The following ADGRL3 variants were observed in gnomAD, a reference collection of about 807,000 sequenced individuals.
The protein encoded by ADGRL3 is adhesion G protein-coupled receptor L3.
In ADGRL3, 62 loss-of-function variants were observed where a neutral mutation model predicts 153.5. That is an observed-to-expected ratio of 0.40 (90% CI 0.33 to 0.50). The LOEUF is 0.50. Ranked by LOEUF, ADGRL3 falls within the 20% of genes least tolerant of loss-of-function variation. The pLI, the probability that ADGRL3 is intolerant of heterozygous loss-of-function variation, is 0.47. For synonymous variants in ADGRL3, 710 were observed against 672.5 expected (o/e 1.06, Z -0.86); for missense variants, 1,641 against 1,859.4 (o/e 0.88, Z 2.16).
intron 9 of ADGRL3, among the ~76,000 whole-genome samples, chr4:61,857,674 T>TCTTTCTTCCTTCCTTTCTTCCTTC: frequency 7.5e-6 from 1 of 133,048 alleles, no homozygotes; most frequent in Non-Finnish European, 1.5e-5. Flanking sequence ...TTTCTTCCTT[T>TCTTTCTTCCTTCCTTTCTTCCTTC]CTTTCTTCCT....
chr4:61,615,473 C>G (rs183389639), intron 5 of ADGRL3, among the ~76,000 whole-genome samples: 1 of 152,034 alleles, frequency 6.6e-6, no homozygotes, highest in Non-Finnish European at 1.5e-5. Context: ...GGGTGATATT[C>G]AAATTGAATT....
At chr4:61,537,582 T>C (rs183389825) in intron 4 of ADGRL3, among the ~76,000 whole-genome samples, 1 of 152,278 alleles carries the variant, frequency 6.6e-6, no homozygotes, top group Non-Finnish European at 1.5e-5. Flanking sequence ...AATCTTTATT[T>C]TTATTTTTTG....
At chr4:61,797,405 G>A (rs568885515) in intron 8 of ADGRL3, among the ~76,000 whole-genome samples, 3 of 152,102 alleles carry the variant, frequency 2.0e-5, no homozygotes, top group South Asian at 4.1e-4. Flanking sequence ...CGAACTTAAC[G>A]CAAATTTTAG....
intron 5 of ADGRL3, among the ~76,000 whole-genome samples, chr4:61,627,991 G>A (rs2092933511): frequency 6.6e-6 from 1 of 152,048 alleles, no homozygotes; most frequent in South Asian, 2.1e-4. Context: ...AGGATGCTTG[G>A]ACCAAATGGG....
At chr4:61,423,068 C>T (rs1250953073) in intron 2 of ADGRL3, among the ~76,000 whole-genome samples, 1 of 151,956 alleles carries the variant, frequency 6.6e-6, no homozygotes, top group African/African-American at 2.4e-5. Context: ...AATTTGGGGG[C>T]ACATGGCTAA....
rs113272413 is a variant in ADGRL3 at position 61,442,009 on chromosome 4, T to G, written c.-173-55112T>G. Among the ~76,000 whole-genome samples, 21 of 152,322 alleles carry G rather than the reference T, an allele frequency of 1.4e-4. 1 individual carries two copies. Among genetic ancestry groups the G allele is most frequent in the African/African-American group, 5.1e-4 (21 of 41,572 alleles). Reference sequence around the variant, plus strand: ...GTAGTACTCATCTCAGTATAACATGTAAATTTAATTATTTTGATTTCAAGA... The same window carrying G: ...GTAGTACTCATCTCAGTATAACATGGAAATTTAATTATTTTGATTTCAAGA... On this transcript the variant is annotated intron_variant, in intron 2 of 26. Coordinates refer to ENST00000683033, the MANE Select transcript of ADGRL3 (RefSeq NM_001387552.1).
intron 5 of ADGRL3, among the ~76,000 whole-genome samples, chr4:61,613,158 C>T (rs1445748559): frequency 6.6e-6 from 1 of 152,148 alleles, no homozygotes; most frequent in Non-Finnish European, 1.5e-5. Flanking sequence ...CTATCATCTC[C>T]TGCCGTGTTC....
At chr4:61,883,688 T>TTTTACTC (rs1343993524) in intron 9 of ADGRL3, among the ~76,000 whole-genome samples, 1 of 152,188 alleles carries the variant, frequency 6.6e-6, no homozygotes, top group African/African-American at 2.4e-5. Flanking sequence ...AGTCTCATTA[T>TTTTACTC]TTTACTCTTA....
chr4:61,286,223 G>A (rs529545882), intron 1 of ADGRL3, among the ~76,000 whole-genome samples: 21 of 150,498 alleles, frequency 1.4e-4, no homozygotes, highest in Admixed American at 1.3e-3. Context: ...ATCTTTTTTG[G>A]CTCCATTATT....
intron 1 of ADGRL3, among the ~76,000 whole-genome samples, chr4:61,255,149 A>G (rs1256719510): frequency 6.6e-6 from 1 of 152,190 alleles, no homozygotes; most frequent in African/African-American, 2.4e-5. Context: ...TTTGTTGCTG[A>G]CAGTCAGGGT....
intron 1 of ADGRL3, among the ~76,000 whole-genome samples, chr4:61,344,701 T>C (rs1434196015): frequency 1.3e-5 from 2 of 152,186 alleles, no homozygotes; most frequent in African/African-American, 4.8e-5. Flanking sequence ...GTTAACTAAG[T>C]GTACTACATG....
Position 61,421,214 on chromosome 4 carries a change from G to A in ADGRL3, c.-174+38025G>A, listed in dbSNP as rs372975533. On this transcript the variant is annotated intron_variant, in intron 2 of 26. Coordinates refer to ENST00000683033, the MANE Select transcript of ADGRL3 (RefSeq NM_001387552.1). The stretch of plus-strand genomic sequence containing the variant: ...CTGGGCTTGGTGGCGGACGCCTGTA[G>A]TCCCAGCTACTTGGGAGGCTGAGGC... Among the ~76,000 whole-genome samples, 1,266 of 152,242 alleles carry A rather than the reference G, an allele frequency of 8.3e-3. 27 individuals carry two copies. The highest frequency in any genetic ancestry group is 0.029 in the African/African-American group (1,190 of 41,542).
chr4:61,948,984 T>C (rs1218734990), intron 17 of ADGRL3, among the ~76,000 whole-genome samples: 4 of 149,600 alleles, frequency 2.7e-5, no homozygotes, highest in Non-Finnish European at 4.4e-5. Context: ...GCAGTAACTA[T>C]CAGATTTTAG....
intron 6 of ADGRL3, among the ~76,000 whole-genome samples, chr4:61,677,814 T>C (rs557383470): frequency 6.6e-6 from 1 of 152,150 alleles, no homozygotes; most frequent in South Asian, 2.1e-4. Flanking sequence ...TAAAGATAGT[T>C]CTAGGCTTGC....
chr4:61,659,487 A>G (rs956275567), intron 5 of ADGRL3, among the ~76,000 whole-genome samples: 1 of 152,180 alleles, frequency 6.6e-6, no homozygotes, highest in Non-Finnish European at 1.5e-5. Flanking sequence ...CTTTTAATAC[A>G]TGTTGATTAA....
At chr4:61,965,508 A>C (rs1309689766) in intron 17 of ADGRL3, among the ~76,000 whole-genome samples, 2 of 151,978 alleles carry the variant, frequency 1.3e-5, no homozygotes, top group Non-Finnish European at 1.5e-5. Context: ...CCAGCACTTT[A>C]GGAGGCCGAG....
chr4:61,214,635 G>T (rs1366418259), intron 1 of ADGRL3, among the ~76,000 whole-genome samples: 1 of 152,160 alleles, frequency 6.6e-6, no homozygotes, highest in Non-Finnish European at 1.5e-5. Flanking sequence ...TCTGTCTGTA[G>T]GAATAAGAGT....
intron 21 of ADGRL3, among the ~76,000 whole-genome samples, chr4:62,025,768 C>A (rs1302551509): frequency 6.6e-6 from 1 of 152,064 alleles, no homozygotes; most frequent in Non-Finnish European, 1.5e-5. Flanking sequence ...CATATTAGGC[C>A]TTTGCATCCA....
In ADGRL3 at chr4:62,013,174, C is replaced by T. The variant is rs1286667990; in HGVS notation, c.3395+14909C>T. ...ATTCTGAAATATTCCTGATGGGGAA[C>T]GGGAAATCATATGCACTGGGGAAGT... On this transcript the variant is annotated intron_variant, in intron 21 of 26. Coordinates refer to ENST00000683033, the MANE Select transcript of ADGRL3 (RefSeq NM_001387552.1). 4.6e-5 allele frequency among the ~76,000 whole-genome samples: 7 copies of T among 151,928 alleles called. No individual in the cohort carries two copies. In the South Asian group the frequency reaches 1.0e-3, roughly 23 times the overall value.
Sources: gnomAD v4.1 joint callset for allele counts (sites outside exome capture counted in the v4.1 genomes callset) on GRCh38, gnomAD v4.1.1 for gene constraint, MANE v1.5 for transcripts, NCBI Gene and HGNC (gene_info 2026-07-23, HGNC 2026-07-21) for gene names.